LARS2: variants seen among roughly 807,000 people sequenced by gnomAD.
LARS2 encodes leucine--tRNA ligase, mitochondrial.
LARS2 carries 81 observed loss-of-function variants against 116.6 expected under a neutral mutation model. The ratio of observed to expected loss-of-function variants is 0.69; its 90% CI spans 0.58 to 0.84. LARS2 has a LOEUF of 0.84. LARS2 is among the 40% of genes least tolerant of loss of function. LARS2 has a pLI of 0.00. For synonymous variants in LARS2, 396 were observed against 407.2 expected, an observed-to-expected ratio of 0.97 and a Z score of 0.33; for missense variants, 968 against 1,114.5, an observed-to-expected ratio of 0.87 and a Z score of 1.87.
intron 6 of LARS2, among the ~76,000 whole-genome samples, chr3:45,425,849 C>A (rs1481404894): frequency 6.6e-6 from 1 of 152,032 alleles, no homozygotes; most frequent in Non-Finnish European, 1.5e-5. Context: ...AATGCCTTAG[C>A]ATCACGGAAT....
At chr3:45,421,933 T>G (rs1698520439) in intron 6 of LARS2, 1 of 152,264 alleles carries the variant, frequency 6.6e-6, no homozygotes, top group Non-Finnish European at 1.5e-5. Context: ...GGCTCAGTTT[T>G]GCTGCCCAGC....
intron 10 of LARS2, 37 bp downstream of exon 10, chr3:45,476,664 G>C (rs756165031): frequency 6.2e-7 from 1 of 1,604,780 alleles, no homozygotes; most frequent in South Asian, 1.1e-5. Flanking sequence ...TGGTAGGATT[G>C]CTACCTTACA....
At chr3:45,506,467 A>G (rs1248605713) in intron 15 of LARS2, among the ~76,000 whole-genome samples, 2 of 152,152 alleles carry the variant, frequency 1.3e-5, no homozygotes, top group African/African-American at 4.8e-5. Context: ...AGACCTGTCA[A>G]CCACATGTGT....
intron 6 of LARS2, among the ~76,000 whole-genome samples, chr3:45,425,337 A>G (rs1369744191): frequency 6.6e-6 from 1 of 152,180 alleles, no homozygotes; most frequent in Non-Finnish European, 1.5e-5. Flanking sequence ...TATCAGCCAG[A>G]GGGAGTGGAG....
intron 4 of LARS2, among the ~76,000 whole-genome samples, chr3:45,403,978 A>G (rs1414578654): frequency 2.0e-5 from 3 of 152,254 alleles, no homozygotes; most frequent in African/African-American, 4.8e-5. Context: ...TGTATCTGGC[A>G]CATAATAATC....
chr3:45,527,837 A>T (rs1700553717), intron 20 of LARS2, among the ~76,000 whole-genome samples: 1 of 152,114 alleles, frequency 6.6e-6, no homozygotes, highest in Non-Finnish European at 1.5e-5. Context: ...TGACTGTCTG[A>T]TGTTGGTGTT....
intron 8 of LARS2, among the ~76,000 whole-genome samples, chr3:45,462,923 C>G (rs1370751918): frequency 6.6e-6 from 1 of 152,204 alleles, no homozygotes; most frequent in Non-Finnish European, 1.5e-5. Flanking sequence ...TACCCCCAAC[C>G]CAGTCCTCCT....
intron 6 of LARS2, chr3:45,421,880 T>C (rs956980638): frequency 3.9e-5 from 6 of 152,216 alleles, no homozygotes; most frequent in African/African-American, 1.4e-4. Context: ...TTGCAGAGTA[T>C]CGGTTGTTTA....
chr3:45,497,829 C>T (rs1337558017), intron 14 of LARS2, among the ~76,000 whole-genome samples: 1 of 152,062 alleles, frequency 6.6e-6, no homozygotes, highest in Admixed American at 6.5e-5. Flanking sequence ...ATCGCTTGAA[C>T]CCGGGAGGCA....
chr3:45,504,958 T>G (rs757969236), intron 15 of LARS2, among the ~76,000 whole-genome samples: 3 of 151,708 alleles, frequency 2.0e-5, no homozygotes, highest in Admixed American at 6.6e-5. Context: ...CATGCGCCTG[T>G]AGCCCCCAGC....
intron 20 of LARS2, among the ~76,000 whole-genome samples, chr3:45,526,056 C>T (rs370246677): frequency 2.0e-4 from 30 of 152,188 alleles, no homozygotes; most frequent in Non-Finnish European, 3.4e-4. Flanking sequence ...AGATTTTAAA[C>T]GTAAAGACGA....
chr3:45,447,533 T>TAC lies in LARS2; in HGVS notation c.606+553_606+554insAC, dbSNP rs1553631426. Among the ~76,000 whole-genome samples, 24 of 113,728 alleles carry TAC rather than the reference T, an allele frequency of 2.1e-4. 1 individual carries two copies. Among genetic ancestry groups the TAC allele is most frequent in the Admixed American group, 1.0e-3 (11 of 10,916 alleles). The allele number at this position is 113,728 out of a possible 152,430, so 74.6% of individuals were successfully genotyped here. ...CAATAAAAGGATGAGTTCAGCCAAA[T>TAC]TCTCTGTGTGTGTGTGTCATACGGT... is the stretch of plus-strand genomic sequence containing the variant. On this transcript the variant is annotated intron_variant, in intron 7 of 21. Coordinates refer to ENST00000645846, the MANE Select transcript of LARS2 (RefSeq NM_015340.4).
chr3:45,498,650 T>C (rs566612884), intron 14 of LARS2, among the ~76,000 whole-genome samples: 2 of 152,228 alleles, frequency 1.3e-5, no homozygotes, highest in East Asian at 3.9e-4. Flanking sequence ...AGGGAACCAA[T>C]TCACAAATAT....
intron 12 of LARS2, 121 bp downstream of exon 12, chr3:45,488,933 G>A: frequency 1.4e-6 from 1 of 728,190 alleles, no homozygotes; most frequent in Non-Finnish European, 2.5e-6. Context: ...CAGCCTTGTG[G>A]CCTCATATCT....
intron 6 of LARS2, among the ~76,000 whole-genome samples, chr3:45,444,953 T>G (rs903702263): frequency 1.3e-5 from 2 of 152,080 alleles, no homozygotes; most frequent in Non-Finnish European, 2.9e-5. Context: ...TTTCTCAAAA[T>G]TATTTCACAC....
At chr3:45,539,110 G>A (rs1700752749) in intron 20 of LARS2, among the ~76,000 whole-genome samples, 1 of 152,100 alleles carries the variant, frequency 6.6e-6, no homozygotes, top group Non-Finnish European at 1.5e-5. Context: ...ATTGGGTTTG[G>A]AAAGTTGACC....
At chr3:45,470,546 C>T (rs1022942453) in intron 8 of LARS2, among the ~76,000 whole-genome samples, 2 of 152,068 alleles carry the variant, frequency 1.3e-5, no homozygotes, top group African/African-American at 2.4e-5. Context: ...CTAGCACAAA[C>T]GGATTTAAGG....
chr3:45,494,768 C>G (rs1699980556), intron 13 of LARS2, among the ~76,000 whole-genome samples: 1 of 152,124 alleles, frequency 6.6e-6, no homozygotes, highest in Admixed American at 6.5e-5. Context: ...TAGGAATGTT[C>G]TTAAGAATGA....
chr3:45,499,451 AT>A (rs1460500358), intron 14 of LARS2, among the ~76,000 whole-genome samples: 5 of 151,472 alleles, frequency 3.3e-5, no homozygotes, highest in Non-Finnish European at 4.4e-5. Flanking sequence ...CAAAAAGAAA[AT>A]TAAAAAAAAA....
Sources: gnomAD v4.1 joint callset for allele counts (sites outside exome capture counted in the v4.1 genomes callset) on GRCh38, gnomAD v4.1.1 for gene constraint, MANE v1.5 for transcripts, NCBI Gene and HGNC (gene_info 2026-07-23, HGNC 2026-07-21) for gene names.